Variants in CDH13 observed in about 807,000 individuals in gnomAD.
CDH13 encodes the protein cadherin-13.
In CDH13, 24 loss-of-function variants were observed where a neutral mutation model predicts 63.8. The ratio of observed to expected loss-of-function variants is 0.38; its 90% CI spans 0.27 to 0.53. The LOEUF (loss-of-function observed/expected upper bound fraction) is 0.53. Among genes scored for constraint, CDH13 ranks in the 20% least tolerant of loss-of-function variants. CDH13 has a pLI of 0.85. For synonymous variants in CDH13, 503 were observed against 355.3 expected, an observed-to-expected ratio of 1.42 and a Z score of -4.67; for missense variants, 1,049 against 903.1, an observed-to-expected ratio of 1.16 and a Z score of -2.07.
chr16:83,330,617 G>T (rs942890314), intron 5 of CDH13, among the ~76,000 whole-genome samples: 2 of 152,200 alleles, frequency 1.3e-5, no homozygotes, highest in African/African-American at 2.4e-5. Flanking sequence ...GGAAATGGCA[G>T]GGAATGAGAG....
intron 2 of CDH13, among the ~76,000 whole-genome samples, chr16:82,912,865 C>A (rs1377522809): frequency 6.6e-6 from 1 of 151,790 alleles, no homozygotes; most frequent in African/African-American, 2.4e-5. Context: ...ATGGCGTGAA[C>A]CCGGGAGGCG....
chr16:83,406,599 G>C (rs866524942), intron 6 of CDH13, among the ~76,000 whole-genome samples: 1 of 152,152 alleles, frequency 6.6e-6, no homozygotes, highest in East Asian at 1.9e-4. Flanking sequence ...AAGTAGTTGG[G>C]ACTACAGGCG....
rs191729995 is a variant in CDH13 at position 82,894,440 on chromosome 16, G to A, written c.157+35967G>A. 4.3e-3 allele frequency among the ~76,000 whole-genome samples: 653 copies of A among 152,234 alleles called. 6 individuals are homozygous for A. The highest frequency in any genetic ancestry group is 0.015 in the African/African-American group (628 of 41,550). ...GTGGATCACCTGAAGTCAAGAGTTCGAGACCAGCCTGGCCAAAATGGTGAA... is the reference window on the plus strand; with the variant it reads ...GTGGATCACCTGAAGTCAAGAGTTCAAGACCAGCCTGGCCAAAATGGTGAA... On this transcript the variant is annotated intron_variant, in intron 2 of 13. Coordinates refer to ENST00000567109, the MANE Select transcript of CDH13 (RefSeq NM_001257.5).
chr16:82,947,225 T>C (rs980364601), intron 2 of CDH13, among the ~76,000 whole-genome samples: 2 of 152,174 alleles, frequency 1.3e-5, no homozygotes, highest in African/African-American at 4.8e-5. Flanking sequence ...GGATGTCAAA[T>C]GCATCAGTTG....
rs144190627 is a variant in CDH13 at position 83,312,852 on chromosome 16, C to A, written c.637-32010C>A. The stretch of plus-strand genomic sequence containing the variant: ...CAGCAGCTTGTGAGTGTGGGGAAGG[C>A]CAGGAGAATTTGACCTCAGAAAATC... On this transcript the variant is annotated intron_variant, in intron 5 of 13. Coordinates refer to ENST00000567109, the MANE Select transcript of CDH13 (RefSeq NM_001257.5). 5.1e-3 allele frequency among the ~76,000 whole-genome samples: 770 copies of A among 152,260 alleles called. 8 individuals carry two copies. Among genetic ancestry groups the A allele is most frequent in the African/African-American group, 0.018 (728 of 41,554 alleles).
chr16:82,934,735 C>T (rs1226664288), intron 2 of CDH13, among the ~76,000 whole-genome samples: 1 of 152,224 alleles, frequency 6.6e-6, no homozygotes, highest in Non-Finnish European at 1.5e-5. Flanking sequence ...AGGGCAAGGG[C>T]AAGGGCAAAA....
chr16:83,533,257 T>A (rs2075118854), intron 7 of CDH13, among the ~76,000 whole-genome samples: 1 of 152,156 alleles, frequency 6.6e-6, no homozygotes. Flanking sequence ...TTCATTGGTG[T>A]GTATTGCACT....
chr16:83,620,975 A>G (rs917053130), intron 8 of CDH13, among the ~76,000 whole-genome samples: 4 of 152,128 alleles, frequency 2.6e-5, no homozygotes, highest in African/African-American at 9.7e-5. Flanking sequence ...AGCCAGTGTG[A>G]ATATCTGAAA....
chr16:82,652,395 T>C (rs1910821844), intron 1 of CDH13, among the ~76,000 whole-genome samples: 1 of 152,196 alleles, frequency 6.6e-6, no homozygotes, highest in Non-Finnish European at 1.5e-5. Context: ...AGGAACGACC[T>C]CTCGTTATAT....
At chr16:82,958,970 A>G (rs539414151) in intron 2 of CDH13, among the ~76,000 whole-genome samples, 1 of 152,242 alleles carries the variant, frequency 6.6e-6, no homozygotes, top group Non-Finnish European at 1.5e-5. Flanking sequence ...CTGAAGATCA[A>G]ATTTACAACG....
At chr16:82,828,033 A>T (rs1392704583) in intron 1 of CDH13, among the ~76,000 whole-genome samples, 1 of 152,160 alleles carries the variant, frequency 6.6e-6, no homozygotes, top group Non-Finnish European at 1.5e-5. Flanking sequence ...AGACAAACAG[A>T]GACAGTTGGT....
chr16:83,725,698 A>G (rs192031572), intron 10 of CDH13: 2 of 152,352 alleles, frequency 1.3e-5, no homozygotes, highest in Admixed American at 1.3e-4. Context: ...AGCTTTAATG[A>G]CTAATTTCTA....
rs146842610 is a variant in CDH13, at chr16:83,509,964, G to A, written c.960+23309G>A. Among the ~76,000 whole-genome samples the A allele has an allele frequency of 9.0e-3, 1,368 of 152,290 alleles. 9 individuals carry two copies. The highest frequency in any genetic ancestry group is 0.015 in the Non-Finnish European group (1,030 of 68,022). ...CCCCGGACAGAGGATTGGGAGCATG[G>A]TATTGTAGCCAGCGTACCTCCTTGT... On this transcript the variant is annotated intron_variant, in intron 7 of 13. Coordinates refer to ENST00000567109, the MANE Select transcript of CDH13 (RefSeq NM_001257.5).
At chr16:82,809,033 C>T (rs1222675287) in intron 1 of CDH13, among the ~76,000 whole-genome samples, 1 of 151,838 alleles carries the variant, frequency 6.6e-6, no homozygotes, top group African/African-American at 2.4e-5. Context: ...TGATTGTGAA[C>T]ATGCATATAC....
rs377444770 is a variant in CDH13, at chr16:82,879,226, A to C, written c.157+20753A>C. On this transcript the variant is annotated intron_variant, in intron 2 of 13. Transcript: ENST00000567109. ...CTTGGATTTGGATGCCAGCTCTAAT[A>C]CTTACTAGCTCTGTAACCTAGAAAA... is the stretch of plus-strand genomic sequence containing the variant. Among the ~76,000 whole-genome samples the C allele has an allele frequency of 6.6e-5, 10 of 152,104 alleles. No homozygotes were observed. In the East Asian group the frequency reaches 1.9e-3, roughly 29 times the overall value.
At chr16:82,854,531 T>G (rs1308436813) in intron 1 of CDH13, among the ~76,000 whole-genome samples, 2 of 152,200 alleles carry the variant, frequency 1.3e-5, no homozygotes, top group African/African-American at 2.4e-5. Context: ...CATTTTTAAA[T>G]GCAGTTTTGT....
At chr16:83,478,679 C>T (rs757575197) in intron 6 of CDH13, among the ~76,000 whole-genome samples, 27 of 151,988 alleles carry the variant, frequency 1.8e-4, no homozygotes, top group Non-Finnish European at 3.7e-4. Context: ...TCTCTTTTCC[C>T]CAAAATTGGG....
chr16:83,618,745 G>A (rs373092818), intron 8 of CDH13, among the ~76,000 whole-genome samples: 2 of 150,486 alleles, frequency 1.3e-5, no homozygotes, highest in African/African-American at 2.5e-5. Context: ...CAAGTAAAAA[G>A]AAAAAAAATC....
chr16:82,864,637 A>G (rs1251492819), intron 2 of CDH13, among the ~76,000 whole-genome samples: 1 of 152,102 alleles, frequency 6.6e-6, no homozygotes, highest in Non-Finnish European at 1.5e-5. Context: ...CCCCCTTGAA[A>G]CGTGAGGATT....
Sources: allele counts gnomAD v4.1 joint callset (sites outside exome capture counted in the v4.1 genomes callset), GRCh38; gene constraint gnomAD v4.1.1; transcripts MANE v1.5; gene names NCBI Gene and HGNC (gene_info 2026-07-23, HGNC 2026-07-21).